Variants in FOXP2 observed in about 807,000 individuals in gnomAD.
FOXP2 encodes the protein forkhead box protein P2.
In FOXP2, 12 loss-of-function variants were observed where a neutral mutation model predicts 115.8. That is an observed-to-expected ratio of 0.10 (90% confidence interval 0.07 to 0.17). The LOEUF is 0.17. Ranked by LOEUF, FOXP2 falls within the 10% of genes least tolerant of loss-of-function variation. The pLI, the probability that FOXP2 is intolerant of heterozygous loss-of-function variation, is 1.00. For synonymous variants in FOXP2, 328 were observed against 297.7 expected, an observed-to-expected ratio of 1.10 and a Z score of -1.05; for missense variants, 629 against 843.5, an observed-to-expected ratio of 0.75 and a Z score of 3.15.
At chr7:114,250,427 T>C (rs1274339946) in intron 1 of FOXP2, among the ~76,000 whole-genome samples, 2 of 152,206 alleles carry the variant, frequency 1.3e-5, no homozygotes, top group Non-Finnish European at 2.9e-5. Context: ...ATAAAAGTAT[T>C]CCTGTTTCTC....
chr7:114,122,077 G>T (rs1409383087), intron 1 of FOXP2, among the ~76,000 whole-genome samples: 4 of 152,028 alleles, frequency 2.6e-5, no homozygotes, highest in African/African-American at 9.7e-5. Flanking sequence ...TTTTATAAGG[G>T]TTTTTGTTAC....
chr7:114,597,205 T>C (rs1177661332), intron 3 of FOXP2, among the ~76,000 whole-genome samples: 1 of 152,080 alleles, frequency 6.6e-6, no homozygotes, highest in African/African-American at 2.4e-5. Flanking sequence ...TTAGAGTTAC[T>C]AACTCTAGAA....
At chr7:114,626,739 CA>C (rs985841913) in intron 3 of FOXP2, among the ~76,000 whole-genome samples, 4 of 146,940 alleles carry the variant, frequency 2.7e-5, no homozygotes, top group East Asian at 3.9e-4. Flanking sequence ...TAGATTGATA[CA>C]TTTTTTTTCT....
intron 3 of FOXP2, among the ~76,000 whole-genome samples, chr7:114,572,385 C>A (rs1164345187): frequency 1.3e-5 from 2 of 151,404 alleles, no homozygotes; most frequent in Non-Finnish European, 1.5e-5. Flanking sequence ...TTTTTTGTAA[C>A]AACATTTGAA....
At chr7:114,472,786 T>G (rs1177945770) in intron 2 of FOXP2, among the ~76,000 whole-genome samples, 1 of 152,182 alleles carries the variant, frequency 6.6e-6, no homozygotes, top group Non-Finnish European at 1.5e-5. Context: ...AGCTCAAATG[T>G]TCACTCTTAA....
intron 1 of FOXP2, among the ~76,000 whole-genome samples, chr7:114,194,109 A>G (rs1584536904): frequency 6.6e-6 from 1 of 152,130 alleles, no homozygotes; most frequent in South Asian, 2.1e-4. Flanking sequence ...AAGAGGATGG[A>G]AAAAAAATTG....
At chr7:114,200,836 T>G (rs1794041017) in intron 1 of FOXP2, among the ~76,000 whole-genome samples, 1 of 152,172 alleles carries the variant, frequency 6.6e-6, no homozygotes, top group Non-Finnish European at 1.5e-5. Context: ...ACATTGACCA[T>G]TTCAAAGAAG....
chr7:114,156,399 T>C (rs977657557), intron 1 of FOXP2, among the ~76,000 whole-genome samples: 2 of 152,142 alleles, frequency 1.3e-5, no homozygotes, highest in African/African-American at 4.8e-5. Flanking sequence ...ATCTGCATGA[T>C]AAAAGATTGG....
chr7:114,633,511 C>G (rs1180507913), intron 6 of FOXP2, among the ~76,000 whole-genome samples: 1 of 152,078 alleles, frequency 6.6e-6, no homozygotes, highest in African/African-American at 2.4e-5. Flanking sequence ...AAGATGAAAT[C>G]ACTCAACTAT....
chr7:114,632,474 C>T (rs1285115498), intron 6 of FOXP2, among the ~76,000 whole-genome samples: 1 of 152,154 alleles, frequency 6.6e-6, no homozygotes, highest in East Asian at 1.9e-4. Flanking sequence ...TATATCATTA[C>T]ACTTCATAAA....
intron 2 of FOXP2, among the ~76,000 whole-genome samples, chr7:114,382,076 A>G (rs1317985413): frequency 6.6e-6 from 1 of 152,176 alleles, no homozygotes; most frequent in East Asian, 1.9e-4. Flanking sequence ...GCTTTCAGGC[A>G]TAATTAGAAA....
intron 16 of FOXP2, among the ~76,000 whole-genome samples, chr7:114,679,667 A>T (rs981031673): frequency 6.6e-6 from 1 of 151,974 alleles, no homozygotes; most frequent in African/African-American, 2.4e-5. Flanking sequence ...TTCCCATAAC[A>T]TGTCTACGAT....
chr7:114,406,518 T>A (rs1349593655), intron 2 of FOXP2, among the ~76,000 whole-genome samples: 1 of 151,990 alleles, frequency 6.6e-6, no homozygotes, highest in Non-Finnish European at 1.5e-5. Context: ...ATATCCATTA[T>A]ACATGACTTA....
chr7:114,249,802 T>C (rs1001046853), intron 1 of FOXP2, among the ~76,000 whole-genome samples: 2 of 152,126 alleles, frequency 1.3e-5, no homozygotes, highest in African/African-American at 4.8e-5. Flanking sequence ...TGTTTTTTTG[T>C]TTTTGTTTCA....
At chr7:114,247,322 A>G (rs1189871622) in intron 1 of FOXP2, among the ~76,000 whole-genome samples, 1 of 152,192 alleles carries the variant, frequency 6.6e-6, no homozygotes, top group African/African-American at 2.4e-5. Flanking sequence ...ATTAATACAT[A>G]TCTCTAACAC....
chr7:114,435,628 C>T (rs1794308058), intron 2 of FOXP2, among the ~76,000 whole-genome samples: 1 of 152,158 alleles, frequency 6.6e-6, no homozygotes. Flanking sequence ...ACCTCTGCCT[C>T]CCAGGTTCAA....
At chr7:114,168,288 C>G (rs1010829785) in intron 1 of FOXP2, among the ~76,000 whole-genome samples, 45 of 152,138 alleles carry the variant, frequency 3.0e-4, no homozygotes, top group African/African-American at 1.1e-3. Context: ...TGGGAAAGTT[C>G]TGAACTTCCT....
At chr7:114,341,322 C>T (rs1405363238) in intron 2 of FOXP2, among the ~76,000 whole-genome samples, 1 of 150,876 alleles carries the variant, frequency 6.6e-6, no homozygotes, top group African/African-American at 2.4e-5. Flanking sequence ...TTTCAGTTGC[C>T]CCCAAAGAGT....
At chr7:114,338,908 T>C (rs548155126) in intron 2 of FOXP2, among the ~76,000 whole-genome samples, 1 of 151,312 alleles carries the variant, frequency 6.6e-6, no homozygotes, top group Admixed American at 6.6e-5. Context: ...TTCTATAATA[T>C]AGCTTTCCAT....
Sources: allele counts gnomAD v4.1 joint callset (sites outside exome capture counted in the v4.1 genomes callset), GRCh38; gene constraint gnomAD v4.1.1; transcripts MANE v1.5; gene names NCBI Gene and HGNC (gene_info 2026-07-23, HGNC 2026-07-21).